The following LARGE1 variants were observed in gnomAD, a reference collection of about 807,000 sequenced individuals.
The protein encoded by LARGE1 is LARGE xylosyl- and glucuronyltransferase 1.
A neutral mutation model predicts 87.6 loss-of-function variants in LARGE1; 43 were observed. The observed-to-expected ratio is 0.49, with a 90% CI of 0.38 to 0.63. LARGE1 has a LOEUF of 0.63. LARGE1 is among the 30% of genes least tolerant of loss of function. The probability of loss-of-function intolerance (pLI) is 0.00; values close to 1 mark genes in which losing one functional copy is unlikely to be tolerated. For synonymous variants in LARGE1, 434 were observed against 394.6 expected (o/e 1.10, Z -1.18); for missense variants, 802 against 1,000.2 (o/e 0.80, Z 2.67).
intron 1 of LARGE1, among the ~76,000 whole-genome samples, chr22:33,816,733 C>CAGATAGATAGAT (rs3072338): frequency 4.7e-5 from 7 of 150,008 alleles, no homozygotes; most frequent in African/African-American, 1.5e-4. Flanking sequence ...GACAGACAGA[C>CAGATAGATAGAT]AGATACAGAA....
chr22:33,861,322 A>G (rs924054121), intron 1 of LARGE1, among the ~76,000 whole-genome samples: 5 of 152,068 alleles, frequency 3.3e-5, no homozygotes, highest in African/African-American at 7.2e-5. Context: ...GCTAACACCC[A>G]TTCTGCAAAA....
At chr22:33,552,891 A>AATATTCCCATTGAGAATGAGAAGCTG (rs2077571811) in intron 6 of LARGE1, among the ~76,000 whole-genome samples, 1 of 152,148 alleles carries the variant, frequency 6.6e-6, no homozygotes, top group African/African-American at 2.4e-5. Context: ...CTCCTAACAT[A>AATATTCCCATTGAGAATGAGAAGCTG]ATATTCCCAT....
At chr22:33,112,771 G>A in the LARGE1 span, among the ~76,000 whole-genome samples, 1 of 152,238 alleles carries the variant, frequency 6.6e-6, no homozygotes, top group South Asian at 2.1e-4. Context: ...TCCTTTTGAA[G>A]AGGGTCAGGA....
At chr22:33,675,123 C>T (rs538870664) in intron 2 of LARGE1, among the ~76,000 whole-genome samples, 7 of 151,232 alleles carry the variant, frequency 4.6e-5, no homozygotes, top group Non-Finnish European at 1.0e-4. Context: ...CGAAATCCCG[C>T]CTCTATCAAA....
At chr22:33,631,118 G>C (rs2080096726) in intron 3 of LARGE1, among the ~76,000 whole-genome samples, 1 of 151,912 alleles carries the variant, frequency 6.6e-6, no homozygotes, top group African/African-American at 2.4e-5. Flanking sequence ...CTCCCAAAGT[G>C]CTGGGATTAC....
At chr22:33,122,301 C>T in the LARGE1 span, among the ~76,000 whole-genome samples, 1 of 152,030 alleles carries the variant, frequency 6.6e-6, no homozygotes, top group East Asian at 1.9e-4. Context: ...CGAGTAGCCA[C>T]TCCATCTGCA....
chr22:33,457,969 T>C (rs1473011872), intron 6 of LARGE1, among the ~76,000 whole-genome samples: 1 of 152,212 alleles, frequency 6.6e-6, no homozygotes, highest in Non-Finnish European at 1.5e-5. Context: ...CTCTGAGCTT[T>C]GGTTTGCTCT....
In LARGE1 at chr22:33,722,234, G is replaced by A. The variant is rs1425462334; in HGVS notation, c.106+39137C>T. ...CGCCACTGCCCTCTAGCCTGGGAGGGAGAAAGGAAGGGAGGAAGAGGGAGA... is the reference window on the plus strand; with the variant it reads ...CGCCACTGCCCTCTAGCCTGGGAGGAAGAAAGGAAGGGAGGAAGAGGGAGA... On this transcript the variant is annotated intron_variant, in intron 2 of 14. Coordinates refer to ENST00000397394, the MANE Select transcript of LARGE1 (RefSeq NM_133642.5). Among the ~76,000 whole-genome samples, 3 of 150,256 alleles carry A rather than the reference G, an allele frequency of 2.0e-5. No homozygotes were observed. The Admixed American group carries it at 2.0e-4, about 10-fold the overall frequency.
intron 5 of LARGE1, among the ~76,000 whole-genome samples, chr22:33,577,348 C>T (rs902602370): frequency 5.3e-5 from 8 of 152,180 alleles, no homozygotes; most frequent in South Asian, 2.1e-4. Context: ...AGCCACAAAA[C>T]AGAGAAGTAT....
At chr22:33,621,903 C>T (rs371328157) in intron 4 of LARGE1, among the ~76,000 whole-genome samples, 8 of 152,174 alleles carry the variant, frequency 5.3e-5, no homozygotes, top group South Asian at 2.1e-4. Flanking sequence ...GTTTGACAGA[C>T]GTACCTGAAT....
chr22:33,833,726 T>C (rs1470395316), intron 1 of LARGE1, among the ~76,000 whole-genome samples: 3 of 152,192 alleles, frequency 2.0e-5, no homozygotes, highest in African/African-American at 4.8e-5. Flanking sequence ...TCACTCTTGT[T>C]GCCCAGGCTG....
chr22:33,468,087 G>T (rs982146190), intron 6 of LARGE1, among the ~76,000 whole-genome samples: 1 of 152,170 alleles, frequency 6.6e-6, no homozygotes, highest in Admixed American at 6.5e-5. Flanking sequence ...CTAGGATGGG[G>T]TAATGCTAAT....
chr22:33,400,691 A>T (rs2065901472), intron 7 of LARGE1, among the ~76,000 whole-genome samples: 2 of 152,190 alleles, frequency 1.3e-5, no homozygotes, highest in African/African-American at 2.4e-5. Context: ...AACAGCCGAA[A>T]GGGCAGGAAG....
At chr22:33,251,462 G>C (rs1353648249) in intron 11 of LARGE1, among the ~76,000 whole-genome samples, 1 of 152,084 alleles carries the variant, frequency 6.6e-6, no homozygotes, top group Non-Finnish European at 1.5e-5. Context: ...AACAGGGTCT[G>C]TTGTCACATG....
intron 6 of LARGE1, among the ~76,000 whole-genome samples, chr22:33,496,902 T>A (rs555708873): frequency 6.6e-6 from 1 of 151,134 alleles, no homozygotes; most frequent in Admixed American, 6.6e-5. Context: ...ATTGTTTGGT[T>A]TATCTTTTTC....
intron 6 of LARGE1, among the ~76,000 whole-genome samples, chr22:33,558,293 G>A (rs2077754166): frequency 6.6e-6 from 1 of 152,110 alleles, no homozygotes; most frequent in Non-Finnish European, 1.5e-5. Context: ...CTAACAGGGC[G>A]GGGGACACTG....
intron 1 of LARGE1, among the ~76,000 whole-genome samples, chr22:33,782,808 T>C (rs2085465708): frequency 6.7e-6 from 1 of 148,860 alleles, no homozygotes; most frequent in South Asian, 2.1e-4. Context: ...GAGGTTGCAG[T>C]GAGCCAACAT....
chr22:33,899,318 A>C (rs1264896767), intron 1 of LARGE1, among the ~76,000 whole-genome samples: 1 of 152,194 alleles, frequency 6.6e-6, no homozygotes, highest in Non-Finnish European at 1.5e-5. Flanking sequence ...CCATGTCAAA[A>C]ATGGAACTGG....
At chr22:33,708,816 G>T (rs1043063013) in intron 2 of LARGE1, among the ~76,000 whole-genome samples, 1 of 152,150 alleles carries the variant, frequency 6.6e-6, no homozygotes. Flanking sequence ...GGTCAGGCTG[G>T]TCTCGAACTC....
Sources: gnomAD v4.1 joint callset for allele counts (sites outside exome capture counted in the v4.1 genomes callset) on GRCh38, gnomAD v4.1.1 for gene constraint, MANE v1.5 for transcripts, NCBI Gene and HGNC (gene_info 2026-07-23, HGNC 2026-07-21) for gene names.